SCFD2: variants seen among roughly 807,000 people sequenced by gnomAD.
SCFD2 encodes sec1 family domain containing 2.
Under a neutral mutation model 58.9 loss-of-function variants are expected in SCFD2, and 54 were observed. That is an observed-to-expected ratio of 0.92 (90% CI 0.74 to 1.15). The LOEUF (loss-of-function observed/expected upper bound fraction) is 1.15, where lower values mean the gene tolerates loss of function less well. Ranked by LOEUF, SCFD2 falls within the 50% of genes most tolerant of loss-of-function variation. The pLI is 0.00. For synonymous variants in SCFD2, 321 were observed against 335.9 expected (o/e 0.96, Z 0.49); for missense variants, 805 against 836.6 (o/e 0.96, Z 0.47).
chr4:53,352,854 A>C, intron 1 of SCFD2, 88 bp from the exon 2 acceptor site: 2 of 1,126,302 alleles, frequency 1.8e-6, no homozygotes, highest in Non-Finnish European at 2.6e-6. Flanking sequence ...CTTCTATCAA[A>C]AATAACATAC....
intron 5 of SCFD2, among the ~76,000 whole-genome samples, chr4:53,121,921 CT>C (rs999622752): frequency 2.6e-5 from 4 of 152,100 alleles, no homozygotes; most frequent in Non-Finnish European, 5.9e-5. Context: ...CAAGGTCACT[CT>C]TATTTTTCTT....
intron 5 of SCFD2, among the ~76,000 whole-genome samples, chr4:52,965,104 C>T (rs1361830535): frequency 2.6e-5 from 4 of 151,998 alleles, no homozygotes; most frequent in African/African-American, 9.7e-5. Flanking sequence ...GTCTACATGC[C>T]GTAACCATCA....
At chr4:53,240,485 A>G (rs1188510094) in intron 4 of SCFD2, among the ~76,000 whole-genome samples, 1 of 152,220 alleles carries the variant, frequency 6.6e-6, no homozygotes, top group Non-Finnish European at 1.5e-5. Context: ...ATCCTCAAAA[A>G]GGGAAGGTTG....
At chr4:53,342,388 A>G (rs554406931) in intron 2 of SCFD2, among the ~76,000 whole-genome samples, 3 of 152,352 alleles carry the variant, frequency 2.0e-5, no homozygotes, top group South Asian at 4.1e-4. Context: ...TAAAGGGATC[A>G]ATGCAACAAG....
chr4:53,125,419 C>T (rs565418572), intron 5 of SCFD2, among the ~76,000 whole-genome samples: 263 of 152,280 alleles, frequency 1.7e-3, no homozygotes, highest in Non-Finnish European at 2.6e-3. Context: ...TGATCTAAAG[C>T]CTTTTTCATT....
At chr4:52,944,999 T>C (rs147369337) in intron 5 of SCFD2, among the ~76,000 whole-genome samples, 2 of 152,344 alleles carry the variant, frequency 1.3e-5, no homozygotes, top group Admixed American at 1.3e-4. Flanking sequence ...AAAAGCTCTA[T>C]AGAGTTATCT....
intron 3 of SCFD2, among the ~76,000 whole-genome samples, chr4:53,290,433 T>A (rs747098602): frequency 6.6e-6 from 1 of 151,850 alleles, no homozygotes; most frequent in Admixed American, 6.6e-5. Context: ...CAAACAACAA[T>A]GGAAACAAAA....
At chr4:53,081,062 C>T (rs147216973) in intron 5 of SCFD2, among the ~76,000 whole-genome samples, 90 of 152,240 alleles carry the variant, frequency 5.9e-4, no homozygotes, top group African/African-American at 2.1e-3. Flanking sequence ...TTGCAGACTA[C>T]GATCCACCTC....
At chr4:52,946,489 G>A (rs1231000061) in intron 5 of SCFD2, among the ~76,000 whole-genome samples, 5 of 151,968 alleles carry the variant, frequency 3.3e-5, no homozygotes, top group Admixed American at 3.3e-4. Context: ...AAAATTCAGA[G>A]TTCCTTCTTA....
intron 5 of SCFD2, among the ~76,000 whole-genome samples, chr4:52,966,034 G>A (rs1720955438): frequency 6.6e-6 from 1 of 152,080 alleles, no homozygotes; most frequent in African/African-American, 2.4e-5. Flanking sequence ...ATTAAAAATG[G>A]CACGATCCTA....
At chr4:53,311,369 A>C (rs1205276478) in intron 3 of SCFD2, among the ~76,000 whole-genome samples, 4 of 152,130 alleles carry the variant, frequency 2.6e-5, no homozygotes, top group Non-Finnish European at 5.9e-5. Context: ...ATCTTAAAAA[A>C]AATTTTTTTT....
At chr4:53,018,856 C>T (rs1479185817) in intron 5 of SCFD2, among the ~76,000 whole-genome samples, 1 of 152,104 alleles carries the variant, frequency 6.6e-6, no homozygotes, top group African/African-American at 2.4e-5. Context: ...CTAAGGATAG[C>T]CATAATAAGG....
At chr4:53,093,817 G>A (rs1280888322) in intron 5 of SCFD2, among the ~76,000 whole-genome samples, 3 of 152,024 alleles carry the variant, frequency 2.0e-5, no homozygotes, top group Non-Finnish European at 2.9e-5. Flanking sequence ...CTCAAGAAAC[G>A]GTAGCATCAG....
chr4:52,941,520 T>C (rs975794471), intron 5 of SCFD2, among the ~76,000 whole-genome samples: 14 of 152,320 alleles, frequency 9.2e-5, no homozygotes, highest in South Asian at 4.1e-4. Flanking sequence ...ATCCCAGAAA[T>C]ACAATGTTGA....
chr4:53,049,303 T>C (rs1230763204), intron 5 of SCFD2, among the ~76,000 whole-genome samples: 1 of 152,188 alleles, frequency 6.6e-6, no homozygotes, highest in Non-Finnish European at 1.5e-5. Context: ...ATAACCTTAA[T>C]GCAAGAGGAT....
intron 3 of SCFD2, among the ~76,000 whole-genome samples, chr4:53,283,883 C>T (rs759850894): frequency 2.0e-5 from 3 of 151,860 alleles, no homozygotes; most frequent in Non-Finnish European, 4.4e-5. Context: ...CTTGGGAGGC[C>T]GAGGTGGGCG....
rs1362476939 is a variant in SCFD2, at chr4:53,174,385, A to G, written c.1312-28803T>C. On this transcript the variant is annotated intron_variant, in intron 4 of 8. Transcript: ENST00000401642. ...AGATATCCAGAATTAGACATTATTA[A>G]CATTATAATGAAATTGTAAAAAATA... Among the ~76,000 whole-genome samples the G allele has an allele frequency of 3.9e-5, 6 of 152,178 alleles. No individual in the cohort carries two copies. The East Asian group carries it at 9.6e-4, about 24-fold the overall frequency.
intron 4 of SCFD2, among the ~76,000 whole-genome samples, chr4:53,181,706 A>G (rs557821695): frequency 1.3e-5 from 2 of 152,340 alleles, no homozygotes; most frequent in Middle Eastern, 3.4e-3. Context: ...GGAAAAGAGG[A>G]AGTCAAATTG....
At chr4:53,298,302 G>T (rs553909197) in intron 3 of SCFD2, among the ~76,000 whole-genome samples, 13 of 152,088 alleles carry the variant, frequency 8.5e-5, no homozygotes, top group Non-Finnish European at 1.6e-4. Flanking sequence ...GATTATATCC[G>T]GCACCTGGCT....
Sources: allele counts gnomAD v4.1 joint callset (sites outside exome capture counted in the v4.1 genomes callset), GRCh38; gene constraint gnomAD v4.1.1; transcripts MANE v1.5; gene names NCBI Gene and HGNC (gene_info 2026-07-23, HGNC 2026-07-21).